Variants in LCT observed in about 807,000 individuals in gnomAD.
LCT encodes lactase/phlorizin hydrolase.
Under a neutral mutation model 173.0 loss-of-function variants are expected in LCT, and 90 were observed. The ratio of observed to expected loss-of-function variants is 0.52; its 90% CI spans 0.44 to 0.62. The LOEUF is 0.62. Among genes scored for constraint, LCT ranks in the 20% least tolerant of loss-of-function variants. The pLI, the probability that LCT is intolerant of heterozygous loss-of-function variation, is 0.00. For synonymous variants in LCT, 853 were observed against 957.6 expected, an observed-to-expected ratio of 0.89 and a Z score of 2.02; for missense variants, 1,864 against 2,431.4, an observed-to-expected ratio of 0.77 and a Z score of 4.91.
Position 135,788,272 on chromosome 2 carries a change from AAC to A in LCT, c.*50_*51del. 7.5e-7 allele frequency: 1 copy of A among 1,339,834 alleles called. No homozygotes were observed. 83.0% of individuals were successfully genotyped at this position (1,339,834 alleles called of 1,614,324 possible). A position where few individuals can be genotyped will look rare whatever the true frequency, so the allele number is the denominator to read the frequency against. ...ACCCTAAGGTGTTTGGTGGCCGGTA[AAC>A]ATAGATGAAGAAACTAGGCCTGCTT... On this transcript the variant is annotated 3_prime_UTR_variant, in exon 17 of 17. Coordinates refer to ENST00000264162, the MANE Select transcript of LCT (RefSeq NM_002299.4).
intron 2 of LCT, among the ~76,000 whole-genome samples, chr2:135,832,413 A>T (rs1403953451): frequency 6.6e-6 from 1 of 151,560 alleles, no homozygotes; most frequent in Non-Finnish European, 1.5e-5. Context: ...GAGCAAGGCC[A>T]CAAGACCCTG....
Position 135,831,060 on chromosome 2 carries a change from C to T in LCT, c.721-1384G>A, listed in dbSNP as rs548288507. Among the ~76,000 whole-genome samples the T allele has an allele frequency of 1.6e-4, 24 of 152,278 alleles. No individual in the cohort carries two copies. In the South Asian group the frequency reaches 4.8e-3, roughly 30 times the overall value. On this transcript the variant is annotated intron_variant, in intron 2 of 16. Coordinates refer to ENST00000264162, the MANE Select transcript of LCT (RefSeq NM_002299.4). Reference sequence around the variant, plus strand: ...GATGCCTGTGCAGGCCCAGGTGGGTCCCACCACATTAAGTCTTGGTCTCCG... The same window carrying T: ...GATGCCTGTGCAGGCCCAGGTGGGTTCCACCACATTAAGTCTTGGTCTCCG...
chr2:135,834,811 G>GAAA (rs2077972199), intron 1 of LCT, among the ~76,000 whole-genome samples: 2 of 64,376 alleles, frequency 3.1e-5, no homozygotes, highest in Non-Finnish European at 6.7e-5. Flanking sequence ...AAAAAAAAAA[G>GAAA]AAGAAGAAAA....
chr2:135,833,630 T>C (rs1467578730), intron 1 of LCT, among the ~76,000 whole-genome samples: 1 of 150,446 alleles, frequency 6.6e-6, no homozygotes, highest in Non-Finnish European at 1.5e-5. Flanking sequence ...GCATTTTTGG[T>C]AGAGACGGAG....
At chr2:135,814,851 T>A (rs2105540201) in intron 6 of LCT, among the ~76,000 whole-genome samples, 1 of 152,244 alleles carries the variant, frequency 6.6e-6, no homozygotes, top group South Asian at 2.1e-4. Flanking sequence ...TCCTTAATAG[T>A]TGCTATGAAC....
intron 13 of LCT, among the ~76,000 whole-genome samples, chr2:135,795,294 G>A (rs547341127): frequency 4.0e-5 from 6 of 151,828 alleles, no homozygotes; most frequent in South Asian, 4.2e-4. Flanking sequence ...TGCAACCTCC[G>A]CCTCCTGGGT....
chr2:135,809,231 A>G lies in LCT; in HGVS notation c.3116T>C (p.Ile1039Thr), dbSNP rs2077710701. ...DIGGWENPAL[I>T]DLFDSYADFC... is the part of the protein sequence containing the mutation. ...GTCTGCGTAGCTGTCAAACAAGTCAATCAAGGCAGGATTCTCCCAGCCTCC... is the reference window on the plus strand; with the variant it reads ...GTCTGCGTAGCTGTCAAACAAGTCAGTCAAGGCAGGATTCTCCCAGCCTCC... The change falls in exon 8 of 17, where the codon ATT becomes ACT. Residue 1039 changes from isoleucine to threonine, a missense_variant. Around this residue, in one of 4 missense-constraint regions of LCT, gnomAD observed 755 missense variants for 926.3 expected, o/e 0.82. Coordinates refer to ENST00000264162, the MANE Select transcript of LCT (RefSeq NM_002299.4). This position sits in a 1 kb window ranked among gnomAD's most constrained non-coding sequence, Gnocchi z 5.5. The G allele has an allele frequency of 6.2e-7, 1 of 1,614,212 alleles. No homozygotes were observed. Among genetic ancestry groups the G allele is most frequent in the East Asian group, 2.2e-5 (1 of 44,884 alleles).
Position 135,809,646 on chromosome 2 carries a change from C to G in LCT, c.2701G>C (p.Gly901Arg). The change falls in exon 8 of 17, where the codon GGG becomes CGG. Residue 901 changes from glycine (G) to arginine (R), a missense_variant. This residue lies in a region of LCT where 755 missense variants were observed against 926.3 expected (regional missense o/e 0.82). Coordinates refer to ENST00000264162, the MANE Select transcript of LCT (RefSeq NM_002299.4). This position sits in a 1 kb window ranked among gnomAD's most constrained non-coding sequence, Gnocchi z 5.5. ...CACAGAAAGTCATCCCGAAACGTCC[C>G]GTGGTAGAACAAATCTCTTTCGAAC... ...PKFERDLFYH[G>R]TFRDDFLWGV... 2 of 1,614,240 alleles carry G rather than the reference C, an allele frequency of 1.2e-6. No homozygotes were observed. Among genetic ancestry groups the G allele is most frequent in the Non-Finnish European group, 8.5e-7 (1 of 1,180,048 alleles).
At chr2:135,793,971 C>CA (rs34100426) in intron 14 of LCT, among the ~76,000 whole-genome samples, 2,875 of 124,184 alleles carry the variant, frequency 0.023, 93 homozygotes, top group African/African-American at 0.075. Flanking sequence ...TGCTAAAATA[C>CA]AAAAAAAAAA....
At chr2:135,836,009 TA>T (rs1679350204) in intron 1 of LCT, among the ~76,000 whole-genome samples, 1 of 16,092 alleles carries the variant, frequency 6.2e-5, no homozygotes, top group East Asian at 1.8e-3. Flanking sequence ...TATATATATA[TA>T]TATATGTATA....
rs923226740 is a variant in LCT, at chr2:135,837,099, G to C, written c.71C>G (p.Ser24Cys). Residue 24 changes from serine to cysteine, a missense_variant, in exon 1 of 17, where the codon TCT (serine) becomes TGT (cysteine). Ser to Cys is a moderately radical substitution (Grantham distance 112). Around this residue, in one of 4 missense-constraint regions of LCT, gnomAD observed 412 missense variants for 462.0 expected, o/e 0.89. Transcript: ENST00000264162. ...AGCGGTGGAAATGAAATTTCTATCA[G>C]ACTCCCAGTCTGACCCCCAGCATGA... Reference protein sequence around the residue: ...SFSCWGSDWESDRNFISTAGP... With the variant: ...SFSCWGSDWECDRNFISTAGP... The C allele has an allele frequency of 1.2e-6, 2 of 1,613,904 alleles. No individual in the cohort carries two copies. The highest frequency in any genetic ancestry group is 1.7e-6 in the Non-Finnish European group (2 of 1,179,958).
In LCT at chr2:135,788,426, T is replaced by C; in HGVS notation, c.5682A>G (p.Gly1894=). The stretch of plus-strand genomic sequence containing the variant: ...ATGACAGAAATGCCAAGCCACAGAC[T>C]CCAAGAAGCACAAGAGAAAAGAGAA... ...LYVLFSLVLL[G]VCGLAFLSYK... The change falls in exon 17 of 17, where the codon GGA becomes GGG. Residue 1894 remains glycine, a synonymous_variant. Transcript: ENST00000264162. 6.2e-7 allele frequency: 1 copy of C among 1,613,972 alleles called. No homozygotes were observed. The highest frequency in any genetic ancestry group is 1.7e-4 in the Middle Eastern group (1 of 6,030).
At chr2:135,793,225 C>T (rs1489373315) in intron 14 of LCT, among the ~76,000 whole-genome samples, 1 of 152,182 alleles carries the variant, frequency 6.6e-6, no homozygotes, top group African/African-American at 2.4e-5. Context: ...CACTTAAGTC[C>T]CCTGCCACCT....
intron 3 of LCT, among the ~76,000 whole-genome samples, chr2:135,825,419 T>A (rs1009251307): frequency 2.0e-5 from 3 of 152,110 alleles, no homozygotes; most frequent in Non-Finnish European, 4.4e-5. Context: ...TGGGGACAAA[T>A]GACCCAGGGT....
At chr2:135,803,307 A>G (rs1226262463) in intron 11 of LCT, among the ~76,000 whole-genome samples, 4 of 152,248 alleles carry the variant, frequency 2.6e-5, no homozygotes. Context: ...TACTCCATAC[A>G]TATGTACAAT....
At chr2:135,831,235 A>G (rs1476471778) in intron 2 of LCT, among the ~76,000 whole-genome samples, 2 of 152,208 alleles carry the variant, frequency 1.3e-5, no homozygotes, top group African/African-American at 2.4e-5. Flanking sequence ...TGGAGAGCAC[A>G]GTTACGTGTA....
At chr2:135,831,824 C>T (rs2077943291) in intron 2 of LCT, among the ~76,000 whole-genome samples, 2 of 152,188 alleles carry the variant, frequency 1.3e-5, no homozygotes, top group African/African-American at 2.4e-5. Flanking sequence ...TGCAGAACTA[C>T]GGAGACCGGC....
At chr2:135,828,039 T>C (rs2077901397) in intron 3 of LCT, among the ~76,000 whole-genome samples, 1 of 152,146 alleles carries the variant, frequency 6.6e-6, no homozygotes, top group Non-Finnish European at 1.5e-5. Flanking sequence ...TTTATTTTTA[T>C]TTTTGAGATG....
chr2:135,788,301 A>T lies in LCT; in HGVS notation c.*23T>A. The T allele has an allele frequency of 6.4e-7, 1 of 1,565,086 alleles. No homozygotes were observed. The highest frequency in any genetic ancestry group is 1.1e-5 in the South Asian group (1 of 90,080). On this transcript the variant is annotated 3_prime_UTR_variant, in exon 17 of 17. Coordinates refer to ENST00000264162, the MANE Select transcript of LCT (RefSeq NM_002299.4). ...TAGATGAAGAAACTAGGCCTGCTTC[A>T]TAGAACTTGAGGTGGTAACTCATCA... is the stretch of plus-strand genomic sequence containing the variant.
Sources: allele counts gnomAD v4.1 joint callset (sites outside exome capture counted in the v4.1 genomes callset), GRCh38; gene constraint gnomAD v4.1.1; regional missense constraint gnomAD v4.1.1; non-coding constraint Gnocchi (gnomAD v3.1); transcripts MANE v1.5; gene names NCBI Gene and HGNC (gene_info 2026-07-23, HGNC 2026-07-21).